FOCAD: variants seen among roughly 807,000 people sequenced by gnomAD.
FOCAD encodes the protein KIAA1797.
In FOCAD, 198 loss-of-function variants were observed where a neutral mutation model predicts 225.6. The observed-to-expected ratio is 0.88, with a 90% CI of 0.78 to 0.99. The LOEUF (loss-of-function observed/expected upper bound fraction) is 0.99. Ranked by LOEUF, FOCAD falls within the 50% of genes least tolerant of loss-of-function variation. The pLI is 0.00. For synonymous variants in FOCAD, 897 were observed against 755.0 expected (o/e 1.19, Z -3.08); for missense variants, 2,713 against 2,123.6 (o/e 1.28, Z -5.46).
At chr9:20,977,637 AC>A (rs1409095613) in intron 36 of FOCAD, among the ~76,000 whole-genome samples, 11 of 152,226 alleles carry the variant, frequency 7.2e-5, no homozygotes, top group African/African-American at 2.7e-4. Context: ...GTGCATACTT[AC>A]ATATGATATA....
intron 4 of FOCAD, among the ~76,000 whole-genome samples, chr9:20,739,916 C>G (rs1360457557): frequency 1.3e-5 from 2 of 152,028 alleles, no homozygotes; most frequent in Non-Finnish European, 2.9e-5. Flanking sequence ...AATATTTGGT[C>G]ATTCGGTGTG....
intron 2 of FOCAD, among the ~76,000 whole-genome samples, chr9:20,668,812 A>G (rs1469087129): frequency 6.6e-6 from 1 of 152,236 alleles, no homozygotes; most frequent in African/African-American, 2.4e-5. Flanking sequence ...CTCAAAAGTA[A>G]CAACATTCTG....
At chr9:20,822,333 G>C (rs929637631) in intron 14 of FOCAD, among the ~76,000 whole-genome samples, 6 of 151,904 alleles carry the variant, frequency 3.9e-5, no homozygotes, top group Non-Finnish European at 8.8e-5. Context: ...TAAAAGAAAA[G>C]ATATTATTGA....
Position 20,758,082 on chromosome 9 carries a change from T to A in FOCAD, c.393-8T>A. On this transcript the variant is annotated splice_polypyrimidine_tract_variant and splice_region_variant and intron_variant, in intron 5 of 43. Coordinates refer to ENST00000338382, the MANE Select transcript of FOCAD (RefSeq NM_001375567.1). ...ACAGGTTCCCATGTGACTTTCTGTGTCTTTCAGAAATCATCCTCATCCTTT... is the reference window on the plus strand; with the variant it reads ...ACAGGTTCCCATGTGACTTTCTGTGACTTTCAGAAATCATCCTCATCCTTT... 6.3e-7 allele frequency: 1 copy of A among 1,590,898 alleles called. No homozygotes were observed. The highest frequency in any genetic ancestry group is 1.1e-5 in the South Asian group (1 of 87,628).
chr9:20,951,449 A>G (rs1263231957), intron 34 of FOCAD, among the ~76,000 whole-genome samples: 1 of 152,154 alleles, frequency 6.6e-6, no homozygotes, highest in Admixed American at 6.6e-5. Flanking sequence ...TTACATACAG[A>G]GTTAATTTGG....
intron 34 of FOCAD, among the ~76,000 whole-genome samples, 191 bp from the exon 35 acceptor site, chr9:20,952,794 T>G (rs2132390000): frequency 1.3e-5 from 2 of 152,338 alleles, no homozygotes; most frequent in Admixed American, 1.3e-4. Context: ...TTACATAGCT[T>G]AAGTGATTAC....
At chr9:20,691,313 G>C (rs541943482) in intron 1 of FOCAD, among the ~76,000 whole-genome samples, 1 of 152,046 alleles carries the variant, frequency 6.6e-6, no homozygotes, top group Non-Finnish European at 1.5e-5. Context: ...TTCCTCCTAC[G>C]TCATTGTCCC....
chr9:20,820,857 A>T, intron 13 of FOCAD, 84 bp from the exon 14 acceptor site: 2 of 1,429,838 alleles, frequency 1.4e-6, no homozygotes, highest in Non-Finnish European at 1.9e-6. Context: ...GAGGATTTGG[A>T]GGTGAAAATG....
rs369328006 is a variant in FOCAD, at chr9:20,823,811, G to T, written c.1920+696G>T. The stretch of plus-strand genomic sequence containing the variant: ...GTTATGGTCAGTTATGGTTGATAAT[G>T]ATAGTAATGAATATAATGATCTGAT... On this transcript the variant is annotated intron_variant, in intron 15 of 43. Coordinates refer to ENST00000338382, the MANE Select transcript of FOCAD (RefSeq NM_001375567.1). 1.3e-3 allele frequency among the ~76,000 whole-genome samples: 198 copies of T among 152,206 alleles called. 9 individuals carry two copies. The South Asian group carries it at 0.038, about 29-fold the overall frequency.
chr9:20,697,899 A>C (rs1354332044), intron 1 of FOCAD, among the ~76,000 whole-genome samples: 2 of 152,234 alleles, frequency 1.3e-5, no homozygotes, highest in Non-Finnish European at 2.9e-5. Context: ...TTAGAATCAA[A>C]GGTAATTCTG....
chr9:20,886,132 A>C (rs1057121335), intron 21 of FOCAD, among the ~76,000 whole-genome samples: 1 of 152,216 alleles, frequency 6.6e-6, no homozygotes, highest in Non-Finnish European at 1.5e-5. Flanking sequence ...AGGGTTTTTC[A>C]AGACCCATCT....
At chr9:20,919,881 C>G (rs1834229969) in intron 24 of FOCAD, among the ~76,000 whole-genome samples, 2 of 151,826 alleles carry the variant, frequency 1.3e-5, no homozygotes. Flanking sequence ...CTAGGCAATA[C>G]CATTCAGGAC....
chr9:20,800,528 T>C (rs913954982), intron 11 of FOCAD, among the ~76,000 whole-genome samples: 2 of 152,172 alleles, frequency 1.3e-5, no homozygotes, highest in African/African-American at 4.8e-5. Flanking sequence ...CCCATATTTC[T>C]TGGAGGCTTT....
intron 39 of FOCAD, among the ~76,000 whole-genome samples, chr9:20,985,380 G>A (rs1304119010): frequency 1.3e-5 from 2 of 152,154 alleles, no homozygotes; most frequent in African/African-American, 4.8e-5. Context: ...AAGCTGCCAG[G>A]CTCATAGAAG....
chr9:20,940,932 TC>T (rs1378043931), intron 28 of FOCAD, among the ~76,000 whole-genome samples: 2 of 152,134 alleles, frequency 1.3e-5, no homozygotes, highest in African/African-American at 2.4e-5. Flanking sequence ...TTATTTTTTT[TC>T]TGACATGCAA....
chr9:20,715,392 T>G lies in FOCAD; in HGVS notation c.39T>G (p.Asn13Lys). The stretch of plus-strand genomic sequence containing the variant: ...TCAGGAAAAGGTTTGAATTTCCAAA[T>G]TCTCTTATCCAATCACAGGTAATTT... Reference protein sequence around the residue: ...DDIRKRFEFPNSLIQSQAVGH... With the variant: ...DDIRKRFEFPKSLIQSQAVGH... Residue 13 changes from asparagine (N) to lysine (K), a missense_variant, in exon 2 of 44, where the codon AAT becomes AAG. By Grantham distance (94) the Asn-to-Lys change is moderately conservative. Transcript: ENST00000338382. 3 of 1,523,862 alleles carry G rather than the reference T, an allele frequency of 2.0e-6. No individual in the cohort carries two copies. The highest frequency in any genetic ancestry group is 2.7e-6 in the Non-Finnish European group (3 of 1,128,804). The allele number at this position is 1,523,862 out of a possible 1,614,324, so 94.4% of individuals were successfully genotyped here.
chr9:20,694,982 A>G (rs912372135), intron 1 of FOCAD, among the ~76,000 whole-genome samples: 1 of 152,134 alleles, frequency 6.6e-6, no homozygotes, highest in Non-Finnish European at 1.5e-5. Context: ...CTGTTTAGTC[A>G]CTTATTCTGT....
chr9:20,922,966 T>G (rs910980404), intron 24 of FOCAD, among the ~76,000 whole-genome samples: 1 of 152,116 alleles, frequency 6.6e-6, no homozygotes, highest in Non-Finnish European at 1.5e-5. Flanking sequence ...GTCAAACTCT[T>G]AAGAGTTTAT....
rs539712264 is a variant in FOCAD, at chr9:20,710,411, C to T, written c.-32-4911C>T. On this transcript the variant is annotated intron_variant, in intron 1 of 43. Coordinates refer to ENST00000338382, the MANE Select transcript of FOCAD (RefSeq NM_001375567.1). ...AGGATTTTGAGACCAGCCTCGCCAA[C>T]ATGGTGAAACCCCTCCTCTACTAAA... Among the ~76,000 whole-genome samples, 19 of 151,896 alleles carry T rather than the reference C, an allele frequency of 1.3e-4. No homozygotes were observed. In the South Asian group the frequency reaches 3.7e-3, roughly 30 times the overall value.
Sources: allele counts gnomAD v4.1 joint callset (sites outside exome capture counted in the v4.1 genomes callset), GRCh38; gene constraint gnomAD v4.1.1; transcripts MANE v1.5; gene names NCBI Gene and HGNC (gene_info 2026-07-23, HGNC 2026-07-21).